Variants in MND1 observed in about 807,000 individuals in gnomAD.
MND1 encodes the protein meiotic nuclear division protein 1 homolog.
In MND1, 28 loss-of-function variants were observed where a neutral mutation model predicts 35.1. The observed-to-expected ratio is 0.80, with a 90% CI of 0.59 to 1.09. The LOEUF (loss-of-function observed/expected upper bound fraction) is 1.09. Among genes scored for constraint, MND1 ranks in the 50% least tolerant of loss-of-function variants. The probability of loss-of-function intolerance (pLI) is 0.00; values close to 1 mark genes in which losing one functional copy is unlikely to be tolerated. For missense variants in MND1, 213 were observed against 239.6 expected, an observed-to-expected ratio of 0.89 and a Z score of 0.73; for synonymous variants, 69 against 70.5, an observed-to-expected ratio of 0.98 and a Z score of 0.11.
At position 153,350,072 on chromosome 4, in the gene MND1, A is replaced by G; in HGVS notation, c.12A>G (p.Lys4=). MSK[K]KGLSAEEKRT... The stretch of plus-strand genomic sequence containing the variant: ...TAATTTTTTTGCTTTAGTCAAAGAA[A>G]AAAGGACTGAGTGCAGAAGAAAAGA... Residue 4 remains lysine, a synonymous_variant, in exon 2 of 8, where the codon AAA becomes AAG. Coordinates refer to ENST00000240488, the MANE Select transcript of MND1 (RefSeq NM_032117.4). 6.3e-7 allele frequency: 1 copy of G among 1,596,596 alleles called. No individual in the cohort carries two copies. Among genetic ancestry groups the G allele is most frequent in the Non-Finnish European group, 8.5e-7 (1 of 1,173,058 alleles).
chr4:153,350,099 A>G lies in MND1; in HGVS notation c.39A>G (p.Arg13=), dbSNP rs376799721. 2.5e-6 allele frequency: 4 copies of G among 1,606,598 alleles called. No homozygotes were observed. Among genetic ancestry groups the G allele is most frequent in the Non-Finnish European group, 3.4e-6 (4 of 1,176,996 alleles). The stretch of plus-strand genomic sequence containing the variant: ...AAGGACTGAGTGCAGAAGAAAAGAG[A>G]ACTCGCATGATGGAAATATTTTCTG... The part of the protein sequence containing the change: ...KKKGLSAEEK[R]TRMMEIFSET... Residue 13 remains arginine (R), a synonymous_variant, in exon 2 of 8, where the codon AGA becomes AGG. Transcript: ENST00000240488.
chr4:153,397,485 A>T lies in MND1; in HGVS notation c.466+152A>T, dbSNP rs1174836746. The stretch of plus-strand genomic sequence containing the variant: ...TGTAGTACTCTAATTTTGTATTTGT[A>T]ACATAGTAGGAAAATATTGCTTTAG... On this transcript the variant is annotated intron_variant, in intron 6 of 7. Coordinates refer to ENST00000240488, the MANE Select transcript of MND1 (RefSeq NM_032117.4). 1.9e-5 allele frequency: 11 copies of T among 571,858 alleles called. No individual in the cohort carries two copies. The East Asian group carries it at 3.0e-4, about 15-fold the overall frequency. 35.4% of individuals were successfully genotyped at this position (571,858 alleles called of 1,614,324 possible).
At chr4:153,377,278 A>G (rs1328722611) in intron 4 of MND1, among the ~76,000 whole-genome samples, 1 of 152,210 alleles carries the variant, frequency 6.6e-6, no homozygotes, top group African/African-American at 2.4e-5. Context: ...TCTTAGGACA[A>G]CTTAAGTATT....
At chr4:153,391,727 T>TACACAC (rs71598272) in intron 4 of MND1, among the ~76,000 whole-genome samples, 1,729 of 142,342 alleles carry the variant, frequency 0.012, 18 homozygotes, top group African/African-American at 0.026. Context: ...AACTCCATCA[T>TACACAC]ACACACACAC....
chr4:153,385,622 G>A (rs1169718776), intron 4 of MND1, among the ~76,000 whole-genome samples: 9 of 151,600 alleles, frequency 5.9e-5, no homozygotes, highest in African/African-American at 2.2e-4. Context: ...AGGCTGAGGT[G>A]GGAGGATTGC....
At chr4:153,371,353 TCTC>T (rs1480342235) in intron 4 of MND1, among the ~76,000 whole-genome samples, 1 of 152,088 alleles carries the variant, frequency 6.6e-6, no homozygotes, top group Non-Finnish European at 1.5e-5. Context: ...GGCATGGACT[TCTC>T]CTCTCTAGCT....
chr4:153,352,590 A>G (rs1023409009), intron 2 of MND1, among the ~76,000 whole-genome samples: 38 of 152,156 alleles, frequency 2.5e-4, no homozygotes, highest in African/African-American at 8.2e-4. Flanking sequence ...AATGTTATCT[A>G]GGGCCAGGTG....
At chr4:153,345,431 T>C (rs997497006) in intron 1 of MND1, 1 of 985,484 alleles carries the variant, frequency 1.0e-6, no homozygotes, top group South Asian at 4.7e-5. Context: ...GCTGGTTGTG[T>C]AGGGCGCTGT....
intron 6 of MND1, among the ~76,000 whole-genome samples, chr4:153,408,335 A>C (rs1729579074): frequency 6.6e-6 from 1 of 152,210 alleles, no homozygotes; most frequent in Non-Finnish European, 1.5e-5. Flanking sequence ...ATTTTGTGAC[A>C]TATAAATTAT....
At chr4:153,357,887 T>G (rs1003446345) in intron 3 of MND1, among the ~76,000 whole-genome samples, 16 of 152,232 alleles carry the variant, frequency 1.1e-4, no homozygotes, top group African/African-American at 3.9e-4. Context: ...CAACATCTTT[T>G]TTAAAAAAGA....
At chr4:153,350,969 A>G (rs1424320151) in intron 2 of MND1, among the ~76,000 whole-genome samples, 5 of 144,142 alleles carry the variant, frequency 3.5e-5, no homozygotes, top group African/African-American at 1.4e-4. Flanking sequence ...AAAAAAAAAA[A>G]CAAACAAAAT....
intron 7 of MND1, among the ~76,000 whole-genome samples, chr4:153,412,781 A>G (rs1196161840): frequency 6.8e-6 from 1 of 148,002 alleles, no homozygotes; most frequent in East Asian, 2.0e-4. Flanking sequence ...AGCCACCGCA[A>G]CCAGCCAATC....
chr4:153,355,085 GC>G (rs1482912819), intron 2 of MND1, among the ~76,000 whole-genome samples: 1 of 152,042 alleles, frequency 6.6e-6, no homozygotes, highest in Non-Finnish European at 1.5e-5. Context: ...GATTGTTTGA[GC>G]CCTGGAGGTC....
At chr4:153,398,808 C>T (rs1464602460) in intron 6 of MND1, among the ~76,000 whole-genome samples, 1 of 152,200 alleles carries the variant, frequency 6.6e-6, no homozygotes, top group African/African-American at 2.4e-5. Flanking sequence ...TTAACTAATA[C>T]CAGGTGATCC....
chr4:153,413,511 C>T (rs1328072200), intron 7 of MND1, among the ~76,000 whole-genome samples: 1 of 151,818 alleles, frequency 6.6e-6, no homozygotes, highest in Non-Finnish European at 1.5e-5. Context: ...AAACCTCATC[C>T]CTACAAAAAA....
In MND1 at chr4:153,381,690, ATATTTTTTTTTTTTT is replaced by A. The variant is rs1347676182; in HGVS notation, c.277-12570_277-12556del. ...ATAATATATATATATATATATATAT[ATATTTTTTTTTTTTT>A]TTTTTTTTTTTTTTTTTTAAGAGAT... On this transcript the variant is annotated intron_variant, in intron 4 of 7. Coordinates refer to ENST00000240488, the MANE Select transcript of MND1 (RefSeq NM_032117.4). 26 of 27,422 alleles carry A rather than the reference ATATTTTTTTTTTTTT, an allele frequency of 9.5e-4. No individual in the cohort carries two copies. In the South Asian group the frequency reaches 0.011, roughly 11 times the overall value. The allele number at this position is 27,422 out of a possible 1,614,324, so 1.7% of individuals were successfully genotyped here.
At chr4:153,377,929 C>G (rs1298904877) in intron 4 of MND1, among the ~76,000 whole-genome samples, 3 of 152,096 alleles carry the variant, frequency 2.0e-5, no homozygotes, top group African/African-American at 7.2e-5. Context: ...GAGTATAATA[C>G]TTTTTTGTGC....
In MND1 at chr4:153,350,076, G is replaced by A; in HGVS notation, c.16G>A (p.Gly6Arg). 6.3e-7 allele frequency: 1 copy of A among 1,599,930 alleles called. No individual in the cohort carries two copies. The change falls in exon 2 of 8, where the codon GGA becomes AGA. Residue 6 changes from glycine to arginine, a missense_variant. Transcript: ENST00000240488. Reference sequence around the variant, plus strand: ...TTTTTTGCTTTAGTCAAAGAAAAAAGGACTGAGTGCAGAAGAAAAGAGAAC... The same window carrying A: ...TTTTTTGCTTTAGTCAAAGAAAAAAAGACTGAGTGCAGAAGAAAAGAGAAC... MSKKK[G>R]LSAEEKRTRM...
chr4:153,412,397 A>T (rs1460445791), intron 7 of MND1, among the ~76,000 whole-genome samples: 1 of 151,882 alleles, frequency 6.6e-6, no homozygotes, highest in Non-Finnish European at 1.5e-5. Context: ...CAAGATCAAG[A>T]TGTTGGCAGG....
Sources: gnomAD v4.1 joint callset for allele counts (sites outside exome capture counted in the v4.1 genomes callset) on GRCh38, gnomAD v4.1.1 for gene constraint, MANE v1.5 for transcripts, NCBI Gene and HGNC (gene_info 2026-07-23, HGNC 2026-07-21) for gene names.